The following ADIPOR2 variants were observed in gnomAD, a reference collection of about 807,000 sequenced individuals.
ADIPOR2 encodes the protein adiponectin receptor protein 2.
In ADIPOR2, 18 loss-of-function variants were observed where a neutral mutation model predicts 40.9. The ratio of observed to expected loss-of-function variants is 0.44; its 90% CI spans 0.30 to 0.65. The LOEUF is 0.65. Ranked by LOEUF, ADIPOR2 falls within the 30% of genes least tolerant of loss-of-function variation. The probability of loss-of-function intolerance (pLI) is 0.09; values close to 1 mark genes in which losing one functional copy is unlikely to be tolerated. For synonymous variants in ADIPOR2, 165 were observed against 166.4 expected (o/e 0.99, Z 0.06); for missense variants, 283 against 479.2 (o/e 0.59, Z 3.82).
rs1411697070 is a variant in ADIPOR2 at position 1,705,238 on chromosome 12, C to T, written c.-87+14047C>T. Reference sequence around the variant, plus strand: ...CAGTGGGCTATGTGGTATTATAGTACAGATGATTTATGGAAGGAAGTCTTT... The same window carrying T: ...CAGTGGGCTATGTGGTATTATAGTATAGATGATTTATGGAAGGAAGTCTTT... On this transcript the variant is annotated intron_variant, in intron 1 of 7. Coordinates refer to ENST00000357103, the MANE Select transcript of ADIPOR2 (RefSeq NM_024551.3). Among the ~76,000 whole-genome samples, 3 of 152,086 alleles carry T rather than the reference C, an allele frequency of 2.0e-5. No individual in the cohort carries two copies. In the East Asian group the frequency reaches 5.8e-4, roughly 29 times the overall value.
chr12:1,708,013 C>T (rs762836444), intron 1 of ADIPOR2, among the ~76,000 whole-genome samples: 3 of 150,612 alleles, frequency 2.0e-5, no homozygotes, highest in African/African-American at 4.9e-5. Context: ...ACAGATTTAA[C>T]GAATCTAAGA....
intron 1 of ADIPOR2, among the ~76,000 whole-genome samples, chr12:1,744,817 T>C (rs894428506): frequency 7.9e-5 from 12 of 152,214 alleles, no homozygotes; most frequent in African/African-American, 2.4e-4. Flanking sequence ...AAGATAAAAA[T>C]ACAAAATATA....
chr12:1,780,390 T>C, intron 4 of ADIPOR2, 61 bp from the exon 5 acceptor site: 1 of 1,442,792 alleles, frequency 6.9e-7, no homozygotes, highest in Non-Finnish European at 9.3e-7. Context: ...ACAGAATCAG[T>C]TATAATACTG....
intron 1 of ADIPOR2, among the ~76,000 whole-genome samples, chr12:1,700,258 A>T (rs2094647578): frequency 6.6e-6 from 1 of 152,200 alleles, no homozygotes; most frequent in Non-Finnish European, 1.5e-5. Flanking sequence ...TTGTTAGTAT[A>T]TCAGCTGATT....
chr12:1,746,491 C>CA (rs915262684), intron 1 of ADIPOR2, among the ~76,000 whole-genome samples: 2 of 150,622 alleles, frequency 1.3e-5, no homozygotes, highest in Non-Finnish European at 3.0e-5. Context: ...GCCTCAAAAA[C>CA]AAAAAACAAA....
At chr12:1,754,154 A>G (rs565406831) in intron 1 of ADIPOR2, 104 bp from the exon 2 acceptor site, 128 of 450,660 alleles carry the variant, frequency 2.8e-4, no homozygotes, top group African/African-American at 2.4e-3. Context: ...TTATTCTTTT[A>G]TTATTGATTG....
At chr12:1,762,147 C>G (rs976493257) in intron 2 of ADIPOR2, among the ~76,000 whole-genome samples, 2 of 152,192 alleles carry the variant, frequency 1.3e-5, no homozygotes, top group Non-Finnish European at 2.9e-5. Flanking sequence ...GTTACACCCA[C>G]ACCTCTGGCT....
intron 2 of ADIPOR2, among the ~76,000 whole-genome samples, chr12:1,769,126 G>A (rs1862445669): frequency 1.3e-5 from 2 of 152,054 alleles, no homozygotes; most frequent in Admixed American, 6.5e-5. Context: ...GCTGTTGGAT[G>A]GAAATTAGAA....
intron 1 of ADIPOR2, among the ~76,000 whole-genome samples, chr12:1,748,742 C>T (rs2094762430): frequency 6.6e-6 from 1 of 151,704 alleles, no homozygotes; most frequent in Non-Finnish European, 1.5e-5. Flanking sequence ...TAGGGAAAAA[C>T]TCTCCTCAAA....
At chr12:1,737,848 G>A (rs2094734207) in intron 1 of ADIPOR2, among the ~76,000 whole-genome samples, 1 of 152,074 alleles carries the variant, frequency 6.6e-6, no homozygotes, top group African/African-American at 2.4e-5. Context: ...ACTGCGCCTG[G>A]CCCAGACTGA....
chr12:1,716,684 T>A (rs1351069967), intron 1 of ADIPOR2, among the ~76,000 whole-genome samples: 2 of 152,238 alleles, frequency 1.3e-5, no homozygotes, highest in African/African-American at 2.4e-5. Flanking sequence ...TTTTGCCAAA[T>A]ACAGTACTGC....
intron 1 of ADIPOR2, among the ~76,000 whole-genome samples, chr12:1,743,708 G>A (rs562159872): frequency 1.3e-5 from 2 of 152,036 alleles, no homozygotes; most frequent in African/African-American, 4.8e-5. Context: ...AAATTTCCAG[G>A]TACTGTTATT....
chr12:1,699,149 G>A (rs573387208), intron 1 of ADIPOR2, among the ~76,000 whole-genome samples: 2 of 152,266 alleles, frequency 1.3e-5, no homozygotes, highest in South Asian at 2.1e-4. Flanking sequence ...GGTAAGGAAC[G>A]TGTAACTTTC....
chr12:1,766,004 C>T (rs1178010123), intron 2 of ADIPOR2, among the ~76,000 whole-genome samples: 1 of 152,156 alleles, frequency 6.6e-6, no homozygotes, highest in African/African-American at 2.4e-5. Context: ...AATCCTTCTA[C>T]AAATGTTTTT....
intron 1 of ADIPOR2, among the ~76,000 whole-genome samples, chr12:1,701,991 G>A (rs764963290): frequency 6.6e-5 from 10 of 152,040 alleles, no homozygotes; most frequent in African/African-American, 1.4e-4. Flanking sequence ...GCGGGGTGGC[G>A]CGTGCCTGTA....
chr12:1,778,115 A>G, intron 4 of ADIPOR2, 90 bp downstream of exon 4: 2 of 1,375,580 alleles, frequency 1.5e-6, no homozygotes, highest in Middle Eastern at 2.3e-4. Context: ...AACTTCAGAA[A>G]TGTATTTGGA....
In ADIPOR2 at chr12:1,786,529, A is replaced by G. The variant is rs1862840205; in HGVS notation, c.*457A>G. The stretch of plus-strand genomic sequence containing the variant: ...GTGTGATTTTAAATGCTCTTTTGGG[A>G]GAACAAAGAAATTAATGTAAATAAG... On this transcript the variant is annotated 3_prime_UTR_variant, in exon 8 of 8. Transcript: ENST00000357103. The G allele has an allele frequency of 6.4e-6, 1 of 155,068 alleles. No homozygotes were observed. Among genetic ancestry groups the G allele is most frequent in the Non-Finnish European group, 1.4e-5 (1 of 69,742 alleles). The allele number at this position is 155,068 out of a possible 1,614,324, so 9.6% of individuals were successfully genotyped here.
chr12:1,691,575 C>T (rs1592561933), intron 1 of ADIPOR2, among the ~76,000 whole-genome samples: 1 of 152,216 alleles, frequency 6.6e-6, no homozygotes, highest in Admixed American at 6.5e-5. Context: ...CCCTCTTCGT[C>T]TCTTGTCTGT....
At chr12:1,757,920 G>A (rs1862176876) in intron 2 of ADIPOR2, 1 of 876,928 alleles carries the variant, frequency 1.1e-6, no homozygotes, top group Middle Eastern at 2.3e-4. Context: ...ACTAGTGGAT[G>A]GACGAGGAGC....
Sources: gnomAD v4.1 joint callset for allele counts (sites outside exome capture counted in the v4.1 genomes callset) on GRCh38, gnomAD v4.1.1 for gene constraint, MANE v1.5 for transcripts, NCBI Gene and HGNC (gene_info 2026-07-23, HGNC 2026-07-21) for gene names.